Variants in MTR observed in about 807,000 individuals in gnomAD.
MTR encodes methionine synthase.
A neutral mutation model predicts 154.8 loss-of-function variants in MTR; 84 were observed. The ratio of observed to expected loss-of-function variants is 0.54; its 90% CI spans 0.45 to 0.65. MTR has a LOEUF of 0.65. Among genes scored for constraint, MTR ranks in the 30% least tolerant of loss-of-function variants. The pLI is 0.00. For missense variants in MTR, 1,275 were observed against 1,570.2 expected, an observed-to-expected ratio of 0.81 and a Z score of 3.18; for synonymous variants, 554 against 553.9, an observed-to-expected ratio of 1.00 and a Z score of 0.00.
chr1:236,816,521 G>C lies in MTR; in HGVS notation c.742G>C (p.Val248Leu), dbSNP rs142648132. The change falls in exon 8 of 33, where the codon GTG becomes CTG. Residue 248 changes from valine to leucine, a missense_variant. Transcript: ENST00000366577. ...GQTGEGFVIS[V>L]SHGEPLCIGL... ...GACAGGAGAGGGATTTGTCATCAGC[G>C]TGTCTCATGGAGAACCACTCTGGTG... 8 of 1,613,942 alleles carry C rather than the reference G, an allele frequency of 5.0e-6. No individual in the cohort carries two copies. The East Asian group carries it at 1.6e-4, about 31-fold the overall frequency.
intron 6 of MTR, 49 bp downstream of exon 6, chr1:236,812,893 T>C: frequency 7.2e-7 from 1 of 1,387,446 alleles, no homozygotes; most frequent in Non-Finnish European, 1.0e-6. Context: ...GGGCTGTGGG[T>C]GAGTCCCCTA....
chr1:236,798,381 C>A (rs1027910077), intron 1 of MTR, among the ~76,000 whole-genome samples: 1 of 152,166 alleles, frequency 6.6e-6, no homozygotes, highest in Admixed American at 6.5e-5. Context: ...TGGTCTACCC[C>A]CCTCCAAATC....
chr1:236,797,074 C>T (rs1049376608), intron 1 of MTR, among the ~76,000 whole-genome samples: 11 of 151,972 alleles, frequency 7.2e-5, no homozygotes, highest in African/African-American at 2.4e-4. Context: ...CTTGCCTAGT[C>T]CCCTCACCCC....
At chr1:236,850,618 T>C in intron 16 of MTR, 95 bp downstream of exon 16, 2 of 787,728 alleles carry the variant, frequency 2.5e-6, no homozygotes, top group South Asian at 1.7e-5. Flanking sequence ...TATTGGCTGA[T>C]GAAATGTTAA....
At chr1:236,837,057 T>C (rs1662949356) in intron 14 of MTR, among the ~76,000 whole-genome samples, 2 of 152,198 alleles carry the variant, frequency 1.3e-5, no homozygotes, top group South Asian at 4.1e-4. Flanking sequence ...TTTGCCCTAC[T>C]ACCACAACTT....
chr1:236,830,632 T>C (rs921101244), intron 12 of MTR, among the ~76,000 whole-genome samples: 15 of 152,190 alleles, frequency 9.9e-5, no homozygotes, highest in African/African-American at 3.4e-4. Flanking sequence ...ATAAGTACTT[T>C]GTGTGAGATG....
At chr1:236,803,114 A>G (rs776134633) in intron 1 of MTR, among the ~76,000 whole-genome samples, 13 of 152,202 alleles carry the variant, frequency 8.5e-5, no homozygotes, top group Non-Finnish European at 1.5e-4. Context: ...TAACAAGGAA[A>G]GAGAGCAAAG....
At chr1:236,887,428 ATGT>A (rs1345795041) in intron 27 of MTR, among the ~76,000 whole-genome samples, 5 of 152,342 alleles carry the variant, frequency 3.3e-5, no homozygotes, top group East Asian at 1.9e-4. Flanking sequence ...CTTTTTGGAA[ATGT>A]TGTGAGGGTA....
intron 22 of MTR, among the ~76,000 whole-genome samples, chr1:236,871,769 A>G (rs1374236227): frequency 1.3e-5 from 2 of 152,216 alleles, no homozygotes; most frequent in Non-Finnish European, 2.9e-5. Context: ...GTGCCAACAA[A>G]GCTGAATATA....
chr1:236,853,084 C>T lies in MTR; in HGVS notation c.1949C>T (p.Ala650Val). Reference sequence around the variant, plus strand: ...GCCACTGAGAAGCTCTTACGTTATGCCCAGGTAGAGAGACAAGTGTTCTAA... The same window carrying T: ...GCCACTGAGAAGCTCTTACGTTATGTCCAGGTAGAGAGACAAGTGTTCTAA... Reference protein sequence around the residue: ...PEATEKLLRYAQTQGTGGKKV... With the variant: ...PEATEKLLRYVQTQGTGGKKV... Residue 650 changes from alanine (A) to valine (V), a missense_variant, in exon 18 of 33, where the codon GCC (alanine) becomes GTC (valine). Coordinates refer to ENST00000366577, the MANE Select transcript of MTR (RefSeq NM_000254.3). 6.2e-7 allele frequency: 1 copy of T among 1,613,868 alleles called. No homozygotes were observed.
intron 15 of MTR, 140 bp from the exon 16 acceptor site, chr1:236,850,204 T>G (rs1663816359): frequency 1.7e-5 from 8 of 459,104 alleles, no homozygotes; most frequent in Non-Finnish European, 2.6e-5. Flanking sequence ...GTGTTTTCAG[T>G]GAGTGAAATG....
At chr1:236,850,629 C>T in intron 16 of MTR, 106 bp downstream of exon 16, 1 of 1,091,204 alleles carries the variant, frequency 9.2e-7, no homozygotes, top group Non-Finnish European at 1.4e-6. Context: ...GAAATGTTAA[C>T]ATTCTTAGTT....
chr1:236,835,496 T>C, intron 13 of MTR, 51 bp from the exon 14 acceptor site: 7 of 1,608,564 alleles, frequency 4.4e-6, no homozygotes, highest in Non-Finnish European at 3.4e-6. Context: ...ATTAGCCTTT[T>C]CTCCTAGTAA....
intron 1 of MTR, among the ~76,000 whole-genome samples, chr1:236,797,689 T>C (rs1660471536): frequency 2.0e-5 from 3 of 152,070 alleles, no homozygotes; most frequent in Non-Finnish European, 4.4e-5. Context: ...CTGGGCGCGG[T>C]GGCTCATATC....
intron 18 of MTR, among the ~76,000 whole-genome samples, chr1:236,857,697 T>A (rs1485270508): frequency 2.0e-5 from 3 of 152,180 alleles, no homozygotes; most frequent in Non-Finnish European, 4.4e-5. Context: ...AGCCTACAGC[T>A]CAGTGATACA....
At chr1:236,820,149 T>C in intron 8 of MTR, 2 of 764,658 alleles carry the variant, frequency 2.6e-6, no homozygotes, top group Admixed American at 3.4e-5. Flanking sequence ...ACTCGGTGGG[T>C]TTGATGTGGT....
intron 24 of MTR, 122 bp downstream of exon 24, chr1:236,874,968 A>T (rs983483951): frequency 9.0e-7 from 1 of 1,111,466 alleles, no homozygotes; most frequent in Non-Finnish European, 1.3e-6. Flanking sequence ...ACTTTTTGTT[A>T]TATAAACACA....
At chr1:236,889,473 A>G (rs1666199824) in intron 28 of MTR, 137 bp downstream of exon 28, 1 of 1,137,942 alleles carries the variant, frequency 8.8e-7, no homozygotes, top group African/African-American at 1.5e-5. Flanking sequence ...CACCTGCCCA[A>G]CTTTTTAATG....
rs548023596 is a variant in MTR, at chr1:236,853,235, G to C, written c.1953+147G>C. On this transcript the variant is annotated intron_variant, in intron 18 of 32. Coordinates refer to ENST00000366577, the MANE Select transcript of MTR (RefSeq NM_000254.3). Reference sequence around the variant, plus strand: ...GAAGATTTCTACAGAGAGTTGCAGAGATGGTGGTGTAGCTAGGGCAAGGAA... The same window carrying C: ...GAAGATTTCTACAGAGAGTTGCAGACATGGTGGTGTAGCTAGGGCAAGGAA... 262 of 1,044,544 alleles carry C rather than the reference G, an allele frequency of 2.5e-4. 1 individual carries two copies. The Middle Eastern group carries it at 3.1e-3, about 12-fold the overall frequency. 64.7% of individuals were successfully genotyped at this position (1,044,544 alleles called of 1,614,324 possible).
Sources: gnomAD v4.1 joint callset for allele counts (sites outside exome capture counted in the v4.1 genomes callset) on GRCh38, gnomAD v4.1.1 for gene constraint, MANE v1.5 for transcripts, NCBI Gene and HGNC (gene_info 2026-07-23, HGNC 2026-07-21) for gene names.